The following ATXN1 variants were observed in gnomAD, a reference collection of about 807,000 sequenced individuals.
ATXN1 encodes ataxin 1.
A neutral mutation model predicts 56.4 loss-of-function variants in ATXN1; 8 were observed. The ratio of observed to expected loss-of-function variants is 0.14; its 90% CI spans 0.08 to 0.26. The LOEUF (loss-of-function observed/expected upper bound fraction) is 0.26. Ranked by LOEUF, ATXN1 falls within the 10% of genes least tolerant of loss-of-function variation. ATXN1 has a pLI of 1.00. For missense variants in ATXN1, 987 were observed against 1,106.5 expected, an observed-to-expected ratio of 0.89 and a Z score of 1.53; for synonymous variants, 514 against 494.6, an observed-to-expected ratio of 1.04 and a Z score of -0.52.
At chr6:16,749,298 G>A (rs183061778) in intron 2 of ATXN1, among the ~76,000 whole-genome samples, 112 of 152,216 alleles carry the variant, frequency 7.4e-4, no homozygotes, top group African/African-American at 2.4e-3. Flanking sequence ...ATAAATCAAC[G>A]GTAGAAAAGA....
intron 3 of ATXN1, among the ~76,000 whole-genome samples, chr6:16,612,516 G>T (rs1480907759): frequency 6.6e-6 from 1 of 152,160 alleles, no homozygotes; most frequent in African/African-American, 2.4e-5. Flanking sequence ...GTATCAAAGT[G>T]TAGGCAGCTT....
At chr6:16,540,280 C>T (rs186935201) in intron 4 of ATXN1, among the ~76,000 whole-genome samples, 7 of 152,172 alleles carry the variant, frequency 4.6e-5, no homozygotes, top group South Asian at 2.1e-4. Context: ...AGCATGATCT[C>T]GGCTCAATGC....
At chr6:16,538,914 G>A (rs931913635) in intron 4 of ATXN1, among the ~76,000 whole-genome samples, 1 of 152,016 alleles carries the variant, frequency 6.6e-6, no homozygotes, top group Non-Finnish European at 1.5e-5. Flanking sequence ...TCGAACTCCT[G>A]ACCTCAGGTG....
At chr6:16,441,235 C>T (rs1219468727) in intron 6 of ATXN1, among the ~76,000 whole-genome samples, 1 of 152,054 alleles carries the variant, frequency 6.6e-6, no homozygotes, top group African/African-American at 2.4e-5. Context: ...GAATCTAAAT[C>T]GAACATGGCA....
At chr6:16,731,500 A>G (rs1211346068) in intron 2 of ATXN1, among the ~76,000 whole-genome samples, 1 of 100,850 alleles carries the variant, frequency 9.9e-6, no homozygotes, top group Non-Finnish European at 1.9e-5. Context: ...AACGGAGGTC[A>G]TTCCTCTTGC....
intron 2 of ATXN1, among the ~76,000 whole-genome samples, chr6:16,740,703 A>G (rs1012885158): frequency 6.6e-6 from 1 of 152,060 alleles, no homozygotes; most frequent in Admixed American, 6.5e-5. Flanking sequence ...TTATTTATTT[A>G]TTTATTTTTT....
intron 4 of ATXN1, among the ~76,000 whole-genome samples, chr6:16,554,953 C>T (rs1363878264): frequency 6.6e-6 from 1 of 152,132 alleles, no homozygotes; most frequent in Non-Finnish European, 1.5e-5. Context: ...ATACACGAGT[C>T]CCCACTCAAT....
chr6:16,628,090 A>T (rs1763438824), intron 3 of ATXN1, among the ~76,000 whole-genome samples: 1 of 152,348 alleles, frequency 6.6e-6, no homozygotes, highest in South Asian at 2.1e-4. Flanking sequence ...AATAAAAATA[A>T]ACAGACACCA....
At chr6:16,683,779 G>A (rs577030240) in intron 2 of ATXN1, among the ~76,000 whole-genome samples, 4 of 152,274 alleles carry the variant, frequency 2.6e-5, no homozygotes, top group African/African-American at 4.8e-5. Flanking sequence ...TTGCTCTGCC[G>A]CCACCATGGG....
chr6:16,327,427 T>C lies in ATXN1; in HGVS notation c.884A>G (p.Asp295Gly). The C allele has an allele frequency of 1.9e-6, 3 of 1,613,224 alleles. No homozygotes were observed. The highest frequency in any genetic ancestry group is 2.5e-6 in the Non-Finnish European group (3 of 1,179,904). The change falls in exon 7 of 8, where the codon GAC (aspartate) becomes GGC (glycine). Residue 295 changes from aspartate (D) to glycine (G), a missense_variant. Transcript: ENST00000436367. The stretch of plus-strand genomic sequence containing the variant: ...CCGAGGGACAAAGTGGCTGCCGGAG[T>C]CGGCGTATTGCATGACGACCTGGGA... Reference protein sequence around the residue: ...PPSQVVMQYADSGSHFVPREA... With the variant: ...PPSQVVMQYAGSGSHFVPREA...
chr6:16,509,956 G>A (rs375413361), intron 5 of ATXN1, among the ~76,000 whole-genome samples: 76 of 152,118 alleles, frequency 5.0e-4, no homozygotes, highest in African/African-American at 1.7e-3. Context: ...GCCCTCGCAC[G>A]CCTCCCCGCA....
At chr6:16,502,152 T>C (rs182807185) in intron 5 of ATXN1, among the ~76,000 whole-genome samples, 1 of 152,374 alleles carries the variant, frequency 6.6e-6, no homozygotes, top group Admixed American at 6.5e-5. Flanking sequence ...GTCAACTTTC[T>C]TTTCAGTGTA....
chr6:16,760,740 C>T lies in ATXN1; in HGVS notation c.-730+558G>A, dbSNP rs1328221814. On this transcript the variant is annotated intron_variant, in intron 1 of 7. Coordinates refer to ENST00000436367, the MANE Select transcript of ATXN1 (RefSeq NM_001128164.2). The surrounding 1 kb of genome is among the most constrained non-coding windows in gnomAD (Gnocchi z 5.3). ...AGAAGTCCAGCCCTCCGTGAGACCC[C>T]CTCTCTCTCACCGCCCTCTCCGGGG... 6.6e-6 allele frequency among the ~76,000 whole-genome samples: 1 copy of T among 151,300 alleles called. No homozygotes were observed. Among genetic ancestry groups the T allele is most frequent in the Non-Finnish European group, 1.5e-5 (1 of 67,690 alleles).
In ATXN1 at chr6:16,327,135, T is replaced by C. The variant is rs1419297424; in HGVS notation, c.1176A>G (p.Ala392=). 2 of 1,613,612 alleles carry C rather than the reference T, an allele frequency of 1.2e-6. No homozygotes were observed. The highest frequency in any genetic ancestry group is 2.2e-5 in the South Asian group (2 of 91,082). ...VMVLPNSNTP[A]ADLEVQQATH... ...TGGCCTGTTGCACCTCCAGGTCAGC[T>C]GCGGGCGTGTTGCTGTTGGGCAGGA... Residue 392 remains alanine (A), a synonymous_variant, in exon 7 of 8, where the codon GCA becomes GCG. Coordinates refer to ENST00000436367, the MANE Select transcript of ATXN1 (RefSeq NM_001128164.2).
At chr6:16,476,834 T>C (rs1581788687) in intron 6 of ATXN1, among the ~76,000 whole-genome samples, 3 of 152,344 alleles carry the variant, frequency 2.0e-5, no homozygotes, top group East Asian at 1.9e-4. Context: ...ATTTCAGCTA[T>C]GGTAGAAGGA....
intron 6 of ATXN1, among the ~76,000 whole-genome samples, chr6:16,455,815 A>C (rs1478697138): frequency 6.6e-6 from 1 of 152,220 alleles, no homozygotes; most frequent in Non-Finnish European, 1.5e-5. Context: ...AAAACACACC[A>C]ATCAGGAACT....
chr6:16,434,983 AAG>A (rs943243648), intron 6 of ATXN1, among the ~76,000 whole-genome samples: 1 of 152,172 alleles, frequency 6.6e-6, no homozygotes, highest in African/African-American at 2.4e-5. Flanking sequence ...AGTGGGCCGG[AAG>A]AGAGAGAGTG....
At chr6:16,497,888 A>G (rs763273168) in intron 5 of ATXN1, among the ~76,000 whole-genome samples, 1 of 152,202 alleles carries the variant, frequency 6.6e-6, no homozygotes, top group African/African-American at 2.4e-5. Context: ...AAAAAACAGA[A>G]TAAGATGAAA....
At chr6:16,753,839 A>G (rs1187543687) in intron 1 of ATXN1, among the ~76,000 whole-genome samples, 1 of 152,276 alleles carries the variant, frequency 6.6e-6, no homozygotes, top group Admixed American at 6.5e-5. Context: ...GAAGAAAGGA[A>G]AAAATGCAGA....
Sources: allele counts gnomAD v4.1 joint callset (sites outside exome capture counted in the v4.1 genomes callset), GRCh38; gene constraint gnomAD v4.1.1; non-coding constraint Gnocchi (gnomAD v3.1); transcripts MANE v1.5; gene names NCBI Gene and HGNC (gene_info 2026-07-23, HGNC 2026-07-21).